MIPEP: variants seen among roughly 807,000 people sequenced by gnomAD.
MIPEP encodes the protein mitochondrial intermediate peptidase.
Under a neutral mutation model 90.3 loss-of-function variants are expected in MIPEP, and 79 were observed. The observed-to-expected ratio is 0.87, with a 90% CI of 0.73 to 1.05. MIPEP has a LOEUF of 1.05. Among genes scored for constraint, MIPEP ranks in the 50% least tolerant of loss-of-function variants. The pLI, the probability that MIPEP is intolerant of heterozygous loss-of-function variation, is 0.00. For synonymous variants in MIPEP, 334 were observed against 315.8 expected, an observed-to-expected ratio of 1.06 and a Z score of -0.61; for missense variants, 940 against 905.6, an observed-to-expected ratio of 1.04 and a Z score of -0.49.
At chr13:23,795,209 G>GGA (rs559008850) in intron 16 of MIPEP, among the ~76,000 whole-genome samples, 1 of 143,138 alleles carries the variant, frequency 7.0e-6, no homozygotes, top group Non-Finnish European at 1.5e-5. Context: ...CCAGGGCGAA[G>GGA]AAAAAAAAAA....
At chr13:23,733,593 T>G (rs1952228358) in intron 18 of MIPEP, among the ~76,000 whole-genome samples, 1 of 152,152 alleles carries the variant, frequency 6.6e-6, no homozygotes. Flanking sequence ...GAGGTGCAGA[T>G]GTGATCATCC....
intron 14 of MIPEP, among the ~76,000 whole-genome samples, chr13:23,832,425 T>C (rs1226048409): frequency 6.6e-6 from 1 of 152,250 alleles, no homozygotes; most frequent in East Asian, 1.9e-4. Context: ...AACAGACTAA[T>C]ATAGCTATTA....
intron 10 of MIPEP, among the ~76,000 whole-genome samples, chr13:23,856,037 A>T (rs973796918): frequency 6.6e-6 from 1 of 152,198 alleles, no homozygotes; most frequent in African/African-American, 2.4e-5. Flanking sequence ...AATAGGGGCT[A>T]TGAATTAGTA....
chr13:23,758,044 C>T (rs894416995), intron 17 of MIPEP, among the ~76,000 whole-genome samples: 2 of 152,242 alleles, frequency 1.3e-5, no homozygotes, highest in Non-Finnish European at 2.9e-5. Context: ...GTATCAAAAA[C>T]ATGCTGACAT....
rs117401641 is a variant in MIPEP, at chr13:23,798,611, G to A, written c.1848+7339C>T. 7.2e-3 allele frequency among the ~76,000 whole-genome samples: 1,089 copies of A among 152,266 alleles called. 4 individuals carry two copies. Among genetic ancestry groups the A allele is most frequent in the Admixed American group, 0.011 (165 of 15,302 alleles). The stretch of plus-strand genomic sequence containing the variant: ...CATTGGAGATAGGGCCTGGTAGGAG[G>A]GGATTGGATCATTGGGGTGGATTCT... On this transcript the variant is annotated intron_variant, in intron 16 of 18. Transcript: ENST00000382172.
At chr13:23,806,705 C>T (rs191331053) in intron 15 of MIPEP, among the ~76,000 whole-genome samples, 2 of 141,730 alleles carry the variant, frequency 1.4e-5, no homozygotes, top group Non-Finnish European at 3.1e-5. Flanking sequence ...ACAACAACAA[C>T]AAAAAAATCT....
rs184211586 is a variant in MIPEP, at chr13:23,885,508, G to A, written c.363+825C>T. Among the ~76,000 whole-genome samples the A allele has an allele frequency of 1.9e-3, 284 of 152,094 alleles. 4 individuals carry two copies. Among genetic ancestry groups the A allele is most frequent in the Admixed American group, 0.017 (262 of 15,278 alleles). On this transcript the variant is annotated intron_variant, in intron 2 of 18. Transcript: ENST00000382172. ...AGGGGATGGATACCCCATTTTCCCTGATGTAATTACTATGCATTGCATGCC... is the reference window on the plus strand; with the variant it reads ...AGGGGATGGATACCCCATTTTCCCTAATGTAATTACTATGCATTGCATGCC...
chr13:23,746,098 T>A (rs1365028801), intron 18 of MIPEP, among the ~76,000 whole-genome samples: 3 of 145,198 alleles, frequency 2.1e-5, no homozygotes, highest in Non-Finnish European at 4.5e-5. Flanking sequence ...CACTGCAACA[T>A]CTGCCTCCCA....
At chr13:23,815,693 A>G (rs112525192) in intron 14 of MIPEP, among the ~76,000 whole-genome samples, 37 of 152,332 alleles carry the variant, frequency 2.4e-4, no homozygotes, top group African/African-American at 8.7e-4. Flanking sequence ...GCTTTAGAAG[A>G]GGATGCTTTC....
At chr13:23,825,065 T>A (rs527874921) in intron 14 of MIPEP, among the ~76,000 whole-genome samples, 2 of 152,218 alleles carry the variant, frequency 1.3e-5, no homozygotes, top group African/African-American at 2.4e-5. Flanking sequence ...GGAGGCTTGC[T>A]AAATTTTAAT....
intron 4 of MIPEP, among the ~76,000 whole-genome samples, chr13:23,878,445 T>C (rs1365357648): frequency 1.3e-5 from 2 of 152,140 alleles, no homozygotes; most frequent in East Asian, 1.9e-4. Flanking sequence ...ATGGCTTCAT[T>C]TGGGGTCAAT....
chr13:23,749,554 T>A (rs1433262542), intron 18 of MIPEP, among the ~76,000 whole-genome samples: 1 of 152,196 alleles, frequency 6.6e-6, no homozygotes. Flanking sequence ...GCAAAGAGCT[T>A]TCTCCAGCCC....
At chr13:23,783,868 A>G (rs1952808511) in intron 16 of MIPEP, among the ~76,000 whole-genome samples, 1 of 152,200 alleles carries the variant, frequency 6.6e-6, no homozygotes, top group Non-Finnish European at 1.5e-5. Context: ...CAAAAAGAAT[A>G]AAATACCTAG....
At position 23,747,961 on chromosome 13, in the gene MIPEP, G is replaced by A. The variant is rs532948208; in HGVS notation, c.2044+8584C>T. ...TCACTATGTTGGCCAGGCTGGTCTC[G>A]AACTCCTGACCTTGTGATCAGCCCG... is the stretch of plus-strand genomic sequence containing the variant. On this transcript the variant is annotated intron_variant, in intron 18 of 18. Coordinates refer to ENST00000382172, the MANE Select transcript of MIPEP (RefSeq NM_005932.4). Among the ~76,000 whole-genome samples, 12 of 152,218 alleles carry A rather than the reference G, an allele frequency of 7.9e-5. 1 individual carries two copies. Among genetic ancestry groups the A allele is most frequent in the Middle Eastern group, 3.4e-3 (1 of 294 alleles).
At chr13:23,757,571 G>A (rs1649950941) in intron 17 of MIPEP, among the ~76,000 whole-genome samples, 1 of 152,176 alleles carries the variant, frequency 6.6e-6, no homozygotes, top group African/African-American at 2.4e-5. Context: ...TCTAAAACAA[G>A]AGTGAAGGAA....
intron 14 of MIPEP, among the ~76,000 whole-genome samples, chr13:23,819,038 G>A (rs543261513): frequency 6.6e-5 from 10 of 152,306 alleles, no homozygotes; most frequent in East Asian, 1.9e-4. Flanking sequence ...CTTACACTTC[G>A]TGAATATGCA....
At chr13:23,790,547 AACC>A (rs1370147868) in intron 16 of MIPEP, among the ~76,000 whole-genome samples, 1 of 151,078 alleles carries the variant, frequency 6.6e-6, no homozygotes, top group Non-Finnish European at 1.5e-5. Context: ...CCCTAGTCAG[AACC>A]ACAAGGGTCC....
At chr13:23,867,078 G>T (rs1025101439) in intron 7 of MIPEP, among the ~76,000 whole-genome samples, 1 of 151,958 alleles carries the variant, frequency 6.6e-6, no homozygotes, top group Non-Finnish European at 1.5e-5. Context: ...TTCTACCCTG[G>T]CCCTGCTGCA....
At chr13:23,824,675 G>A (rs1953345690) in intron 14 of MIPEP, among the ~76,000 whole-genome samples, 1 of 152,216 alleles carries the variant, frequency 6.6e-6, no homozygotes, top group African/African-American at 2.4e-5. Context: ...CAACTAGCTT[G>A]TTTTGATATA....
Sources: gnomAD v4.1 joint callset for allele counts (sites outside exome capture counted in the v4.1 genomes callset) on GRCh38, gnomAD v4.1.1 for gene constraint, MANE v1.5 for transcripts, NCBI Gene and HGNC (gene_info 2026-07-23, HGNC 2026-07-21) for gene names.